Variants in PRDM16 observed in about 807,000 individuals in gnomAD.
The protein encoded by PRDM16 is PR/SET domain 16.
Under a neutral mutation model 110.6 loss-of-function variants are expected in PRDM16, and 23 were observed. That is an observed-to-expected ratio of 0.21 (90% confidence interval 0.15 to 0.29). The LOEUF is 0.29. Among genes scored for constraint, PRDM16 ranks in the 10% least tolerant of loss-of-function variants. PRDM16 has a pLI of 1.00. For synonymous variants in PRDM16, 799 were observed against 781.8 expected (o/e 1.02, Z -0.37); for missense variants, 1,615 against 1,794.3 (o/e 0.90, Z 1.81).
chr1:3,194,850 C>T (rs1385087844), intron 2 of PRDM16, among the ~76,000 whole-genome samples: 1 of 152,224 alleles, frequency 6.6e-6, no homozygotes, highest in Non-Finnish European at 1.5e-5. Flanking sequence ...GATGCACGCT[C>T]CACTGCCCAC....
intron 14 of PRDM16, among the ~76,000 whole-genome samples, chr1:3,428,489 C>G (rs981655413): frequency 1.3e-5 from 2 of 152,344 alleles, no homozygotes; most frequent in Middle Eastern, 6.8e-3. Context: ...CGGCCTCAGA[C>G]GGACTCAGAC....
chr1:3,144,890 G>C (rs1265721615), intron 1 of PRDM16, among the ~76,000 whole-genome samples: 1 of 152,210 alleles, frequency 6.6e-6, no homozygotes, highest in Non-Finnish European at 1.5e-5. Flanking sequence ...TGGGCTGGCA[G>C]TCAGGTAAAC....
rs1054929898 is a variant in PRDM16 at position 3,382,601 on chromosome 1, G to A, written c.439-2551G>A. On this transcript the variant is annotated intron_variant, in intron 3 of 16. Coordinates refer to ENST00000270722, the MANE Select transcript of PRDM16 (RefSeq NM_022114.4). This position sits in a 1 kb window ranked among gnomAD's most constrained non-coding sequence, Gnocchi z 6.6. ...CCAGAACAGGGGGAAGGTGTTGGCT[G>A]AGCCCATGTCTTGGGTGCATTAGGG... Among the ~76,000 whole-genome samples, 1 of 152,174 alleles carries A rather than the reference G, an allele frequency of 6.6e-6. No individual in the cohort carries two copies. Among genetic ancestry groups the A allele is most frequent in the African/African-American group, 2.4e-5 (1 of 41,422 alleles).
At chr1:3,141,866 A>G (rs1643556752) in intron 1 of PRDM16, among the ~76,000 whole-genome samples, 1 of 152,220 alleles carries the variant, frequency 6.6e-6, no homozygotes, top group Non-Finnish European at 1.5e-5. Flanking sequence ...GGACCCCAAG[A>G]GAGAATGCCA....
At chr1:3,374,840 G>A (rs985530542) in intron 3 of PRDM16, among the ~76,000 whole-genome samples, 2 of 152,194 alleles carry the variant, frequency 1.3e-5, no homozygotes, top group Non-Finnish European at 2.9e-5. Flanking sequence ...ACCCAGGTAC[G>A]GCCCCATTCT....
rs371151181 is a variant in PRDM16, at chr1:3,404,823, C to G, written c.969C>G (p.Asn323Lys). The G allele has an allele frequency of 6.2e-7, 1 of 1,613,506 alleles. No individual in the cohort carries two copies. The highest frequency in any genetic ancestry group is 8.5e-7 in the Non-Finnish European group (1 of 1,180,010). ...CCAAGGCCTTCAACTGGAAGTCCAA[C>G]CTCATCCGCCACCAGATGTCCCACG... is the stretch of plus-strand genomic sequence containing the variant. ...QCPKAFNWKS[N>K]LIRHQMSHDS... The change falls in exon 7 of 17, where the codon AAC becomes AAG. Residue 323 changes from asparagine to lysine, a missense_variant. Asn to Lys is a moderately conservative substitution (Grantham distance 94, BLOSUM62 0). Around this residue, in one of 5 missense-constraint regions of PRDM16, gnomAD observed 416 missense variants for 467.1 expected, o/e 0.89. Transcript: ENST00000270722.
chr1:3,159,801 C>T lies in PRDM16; in HGVS notation c.38-26324C>T, dbSNP rs533268538. Among the ~76,000 whole-genome samples, 6 of 152,272 alleles carry T rather than the reference C, an allele frequency of 3.9e-5. No homozygotes were observed. The East Asian group carries it at 1.2e-3, about 29-fold the overall frequency. ...GGGTACCTGGTACTGCCCAGAGGGACCACGAGAGGCACTTACCCCATCGAA... is the reference window on the plus strand; with the variant it reads ...GGGTACCTGGTACTGCCCAGAGGGATCACGAGAGGCACTTACCCCATCGAA... On this transcript the variant is annotated intron_variant, in intron 1 of 16. Coordinates refer to ENST00000270722, the MANE Select transcript of PRDM16 (RefSeq NM_022114.4).
At chr1:3,072,740 C>T (rs532428462) in intron 1 of PRDM16, among the ~76,000 whole-genome samples, 1 of 152,350 alleles carries the variant, frequency 6.6e-6, no homozygotes, top group East Asian at 1.9e-4. Context: ...GTTAGGGCAG[C>T]AGCGCCAGGA....
intron 8 of PRDM16, among the ~76,000 whole-genome samples, chr1:3,410,562 G>A (rs934648650): frequency 3.9e-5 from 6 of 152,194 alleles, no homozygotes; most frequent in African/African-American, 7.2e-5. Flanking sequence ...CCGAGTTGGG[G>A]CCTCCTGAGA....
intron 3 of PRDM16, chr1:3,306,649 A>G (rs966472685): frequency 6.6e-6 from 1 of 152,244 alleles, no homozygotes; most frequent in South Asian, 2.1e-4. Flanking sequence ...GCATTGTGCA[A>G]TAATTGCATT....
At chr1:3,367,237 C>T (rs1274880367) in intron 3 of PRDM16, among the ~76,000 whole-genome samples, 1 of 152,050 alleles carries the variant, frequency 6.6e-6, no homozygotes, top group African/African-American at 2.4e-5. Flanking sequence ...CCATTGCACT[C>T]CAGCCTGGCC....
chr1:3,091,461 G>T (rs1642274574), intron 1 of PRDM16, among the ~76,000 whole-genome samples: 1 of 152,204 alleles, frequency 6.6e-6, no homozygotes, highest in African/African-American at 2.4e-5. Context: ...TCAGATCCAG[G>T]GGGAGTTCGT....
At chr1:3,181,326 T>C (rs1644172908) in intron 1 of PRDM16, among the ~76,000 whole-genome samples, 2 of 125,648 alleles carry the variant, frequency 1.6e-5, no homozygotes, top group Non-Finnish European at 1.7e-5. Flanking sequence ...ACACGCAATC[T>C]TACACAAGCA....
chr1:3,431,924 C>T (rs1486555210), intron 15 of PRDM16, 42 bp from the exon 16 acceptor site: 7 of 1,590,400 alleles, frequency 4.4e-6, no homozygotes, highest in Non-Finnish European at 6.0e-6. Flanking sequence ...CAAGGCCAGG[C>T]TGCTGACAGC....
chr1:3,418,578 C>T (rs1638338745), intron 11 of PRDM16, 89 bp from the exon 12 acceptor site: 2 of 881,848 alleles, frequency 2.3e-6, no homozygotes, highest in South Asian at 1.5e-5. Flanking sequence ...GTGTGAGACC[C>T]CGAGCATTAG....
intron 2 of PRDM16, among the ~76,000 whole-genome samples, chr1:3,212,204 C>T (rs1638902400): frequency 6.6e-6 from 1 of 152,170 alleles, no homozygotes; most frequent in African/African-American, 2.4e-5. Context: ...GCGCACAAAG[C>T]CCAAAAGAGC....
chr1:3,375,962 G>A (rs963697361), intron 3 of PRDM16, among the ~76,000 whole-genome samples: 29 of 152,184 alleles, frequency 1.9e-4, no homozygotes, highest in African/African-American at 6.8e-4. Flanking sequence ...GCAGAACTCC[G>A]GAACCTGGGC....
At chr1:3,395,906 C>T (rs539643662) in intron 4 of PRDM16, among the ~76,000 whole-genome samples, 6 of 152,322 alleles carry the variant, frequency 3.9e-5, no homozygotes, top group Non-Finnish European at 7.3e-5. Flanking sequence ...CCCAGACTCC[C>T]GCCTGTGGGG....
In PRDM16 at chr1:3,255,398, C is replaced by T. The variant is rs993741821; in HGVS notation, c.438+11261C>T. The stretch of plus-strand genomic sequence containing the variant: ...CACACAGCCTCCCAGACGGCTCTCA[C>T]CACAAAGCCAGGGCTGCCCCCGACA... On this transcript the variant is annotated intron_variant, in intron 3 of 16. Coordinates refer to ENST00000270722, the MANE Select transcript of PRDM16 (RefSeq NM_022114.4). This position sits in a 1 kb window ranked among gnomAD's most constrained non-coding sequence, Gnocchi z 4.7. Among the ~76,000 whole-genome samples, 30 of 152,176 alleles carry T rather than the reference C, an allele frequency of 2.0e-4. No homozygotes were observed. The highest frequency in any genetic ancestry group is 5.9e-4 in the Admixed American group (9 of 15,278).
Sources: gnomAD v4.1 joint callset for allele counts (sites outside exome capture counted in the v4.1 genomes callset) on GRCh38, gnomAD v4.1.1 for gene constraint, gnomAD v4.1.1 regional missense constraint, Gnocchi (gnomAD v3.1) non-coding constraint, MANE v1.5 for transcripts, NCBI Gene and HGNC (gene_info 2026-07-23, HGNC 2026-07-21) for gene names.